The following DALRD3 variants were observed in gnomAD, a reference collection of about 807,000 sequenced individuals.
DALRD3 encodes DALR anticodon-binding domain-containing protein 3.
DALRD3 carries 47 observed loss-of-function variants against 56.7 expected under a neutral mutation model. That is an observed-to-expected ratio of 0.83 (90% CI 0.66 to 1.06). The LOEUF (loss-of-function observed/expected upper bound fraction) is 1.06. DALRD3 is among the 50% of genes least tolerant of loss of function. The pLI, the probability that DALRD3 is intolerant of heterozygous loss-of-function variation, is 0.00. For missense variants in DALRD3, 787 were observed against 724.0 expected, an observed-to-expected ratio of 1.09 and a Z score of -1.00; for synonymous variants, 347 against 308.5, an observed-to-expected ratio of 1.12 and a Z score of -1.31.
At chr3:49,017,580 C>T in intron 3 of DALRD3, 33 bp downstream of exon 3, 1 of 1,613,998 alleles carries the variant, frequency 6.2e-7, no homozygotes, top group Non-Finnish European at 8.5e-7. Context: ...CCCCCTCCTG[C>T]CTTTTCTGGC....
Position 49,016,311 on chromosome 3 carries a change from G to A in DALRD3, c.1176C>T (p.Ile392=), listed in dbSNP as rs1332910246. 5 of 1,610,176 alleles carry A rather than the reference G, an allele frequency of 3.1e-6. No homozygotes were observed. In the South Asian group the frequency reaches 5.5e-5, roughly 18 times the overall value. The change falls in exon 9 of 12, where the codon ATC becomes ATT. Residue 392 remains isoleucine, a synonymous_variant. Transcript: ENST00000341949. ...TGCCACTCTTTGTGCCCTTCGTGGAGATACTGCTGTCAGCCAGAGCCAGGA... is the reference window on the plus strand; with the variant it reads ...TGCCACTCTTTGTGCCCTTCGTGGAAATACTGCTGTCAGCCAGAGCCAGGA... ...QLFLALADSS[I]STKGTKSGTF...
At chr3:49,020,936 G>A (rs1246411847), upstream of DALRD3, 2 of 193,488 alleles carry the variant, frequency 1.0e-5, no homozygotes, top group Admixed American at 5.5e-5. Flanking sequence ...GATTAGCCCT[G>A]TTGGTCCCAC....
At chr3:49,018,609 G>T, upstream of DALRD3, 1 of 1,503,844 alleles carries the variant, frequency 6.6e-7, no homozygotes, top group Non-Finnish European at 8.9e-7. Flanking sequence ...ATTTAGGGAG[G>T]TGGAACTTCC....
upstream of DALRD3, chr3:49,020,530 G>A (rs2093144745): frequency 6.9e-6 from 3 of 437,330 alleles, no homozygotes; most frequent in South Asian, 1.6e-5. Context: ...CCAGCCTGAG[G>A]GCGCAACTGA....
intron 2 of DALRD3, 63 bp from the exon 3 acceptor site, chr3:49,017,932 C>T: frequency 6.5e-7 from 1 of 1,539,208 alleles, no homozygotes; most frequent in Non-Finnish European, 8.7e-7. Context: ...GACTTCCCAC[C>T]TCCAGCCGCA....
chr3:49,016,865 G>A lies in DALRD3; in HGVS notation c.928-18C>T. On this transcript the variant is annotated intron_variant, in intron 5 of 11. Transcript: ENST00000341949. ...AGGTGCTTCTGTCAGAAAGATGTCA[G>A]GGGCTCAGCCTAGTTGGCGCTACTC... The A allele has an allele frequency of 1.2e-6, 2 of 1,614,114 alleles. No homozygotes were observed. The highest frequency in any genetic ancestry group is 1.7e-6 in the Non-Finnish European group (2 of 1,180,006).
chr3:49,019,479 CTT>C (rs938684705), upstream of DALRD3, among the ~76,000 whole-genome samples: 13 of 134,592 alleles, frequency 9.7e-5, no homozygotes, highest in Admixed American at 7.5e-5. Flanking sequence ...AATTACCAGA[CTT>C]TTTTTTTTTT....
chr3:49,016,922 G>C (rs917135205), intron 5 of DALRD3, 75 bp from the exon 6 acceptor site: 111 of 1,547,588 alleles, frequency 7.2e-5, no homozygotes, highest in Non-Finnish European at 9.5e-5. Context: ...CCCAAATCTG[G>C]TGCCTCTACT....
Position 49,017,261 on chromosome 3 carries a change from C to G in DALRD3, c.894G>C (p.Trp298Cys), listed in dbSNP as rs1189180162. ...EFQQQKLDLL[W>C]QKLVDKAPLR... ...GTGGAGCCTTGTCAACCAACTTCTG[C>G]CAAAGCAGGTCCAACTTCTGTTGCT... The change falls in exon 5 of 12, where the codon TGG (tryptophan) becomes TGC (cysteine). Residue 298 changes from tryptophan (W) to cysteine (C), a missense_variant. Coordinates refer to ENST00000341949, the MANE Select transcript of DALRD3 (RefSeq NM_001009996.3). 1.9e-6 allele frequency: 3 copies of G among 1,614,184 alleles called. No individual in the cohort carries two copies. In the East Asian group the frequency reaches 6.7e-5, roughly 36 times the overall value.
In DALRD3 at chr3:49,015,605, G is replaced by C. The variant is rs1438774139; in HGVS notation, c.1615C>G (p.Pro539Ala). ...CTGTGGCCTTAAATGTGGCTCAGTG[G>C]AGGGAGACCCAGCATAGCCAGGCCA... Reference protein sequence around the residue: ...HTGLAMLGLPPLSHI With the variant: ...HTGLAMLGLPALSHI The change falls in exon 12 of 12, where the codon CCA becomes GCA. Residue 539 changes from proline to alanine, a missense_variant. Coordinates refer to ENST00000341949, the MANE Select transcript of DALRD3 (RefSeq NM_001009996.3). The C allele has an allele frequency of 1.2e-6, 2 of 1,614,154 alleles. No individual in the cohort carries two copies. The highest frequency in any genetic ancestry group is 3.3e-5 in the Admixed American group (2 of 60,014).
At chr3:49,020,833 A>G (rs1195700952), upstream of DALRD3, 4 of 350,110 alleles carry the variant, frequency 1.1e-5, no homozygotes, top group Non-Finnish European at 2.4e-5. Context: ...TCTAGAGGGA[A>G]CAAGACGCTC....
upstream of DALRD3, chr3:49,020,415 G>A: frequency 2.5e-6 from 1 of 393,112 alleles, no homozygotes; most frequent in Admixed American, 2.8e-5. Context: ...CACTACCATT[G>A]CAGCCCTACC....
At chr3:49,021,058 G>A (rs1575301211), upstream of DALRD3, 3 of 159,840 alleles carry the variant, frequency 1.9e-5, no homozygotes, top group South Asian at 2.8e-4. This position sits in a 1 kb window ranked among gnomAD's most constrained non-coding sequence, Gnocchi z 4.1. Context: ...TCCACCTCGG[G>A]GACACCCCCG....
chr3:49,019,261 C>T (rs1047956635), upstream of DALRD3, among the ~76,000 whole-genome samples: 1 of 151,576 alleles, frequency 6.6e-6, no homozygotes, highest in Non-Finnish European at 1.5e-5. Flanking sequence ...TTAGTAGAGA[C>T]GGGGTTTCGC....
chr3:49,018,933 CAT>C, upstream of DALRD3: 4 of 985,468 alleles, frequency 4.1e-6, no homozygotes, highest in Non-Finnish European at 4.8e-6. Context: ...CCATTTTACA[CAT>C]GATGAATATT....
chr3:49,018,843 G>T (rs988950742), upstream of DALRD3: 4 of 985,310 alleles, frequency 4.1e-6, no homozygotes, highest in Non-Finnish European at 4.8e-6. Flanking sequence ...GGATCCTCGC[G>T]ACCCGGTGGG....
intron 10 of DALRD3, 41 bp downstream of exon 10, chr3:49,015,932 A>C: frequency 6.2e-7 from 1 of 1,614,192 alleles, no homozygotes; most frequent in Non-Finnish European, 8.5e-7. Context: ...AGGCCAGAAT[A>C]AAGAATAGAG....
rs760761093 is a variant in DALRD3, at chr3:49,016,297, G to T, written c.1190C>A (p.Thr397Lys). Reference protein sequence around the residue: ...LADSSISTKGTKSGTFVMYNC... With the variant: ...LADSSISTKGKKSGTFVMYNC... ...ATACATGACAAAGGTGCCACTCTTT[G>T]TGCCCTTCGTGGAGATACTGCTGTC... The change falls in exon 9 of 12, where the codon ACA becomes AAA. Residue 397 changes from threonine to lysine, a missense_variant. Coordinates refer to ENST00000341949, the MANE Select transcript of DALRD3 (RefSeq NM_001009996.3). 6.2e-7 allele frequency: 1 copy of T among 1,612,494 alleles called. No individual in the cohort carries two copies. The highest frequency in any genetic ancestry group is 1.3e-5 in the African/African-American group (1 of 74,886).
At chr3:49,020,505 C>T (rs1437785722), upstream of DALRD3, 4 of 414,936 alleles carry the variant, frequency 9.6e-6, no homozygotes, top group Non-Finnish European at 2.0e-5. Context: ...TCTCCCACGT[C>T]TACACCCATC....
Sources: allele counts gnomAD v4.1 joint callset (sites outside exome capture counted in the v4.1 genomes callset), GRCh38; gene constraint gnomAD v4.1.1; non-coding constraint Gnocchi (gnomAD v3.1); transcripts MANE v1.5; gene names NCBI Gene and HGNC (gene_info 2026-07-23, HGNC 2026-07-21).